The following ALPK1 variants were observed in gnomAD, a reference collection of about 807,000 sequenced individuals.
ALPK1 encodes the protein alpha kinase 1.
ALPK1 carries 110 observed loss-of-function variants against 120.6 expected under a neutral mutation model. The ratio of observed to expected loss-of-function variants is 0.91; its 90% CI spans 0.78 to 1.07. The LOEUF (loss-of-function observed/expected upper bound fraction) is 1.07, where lower values mean the gene tolerates loss of function less well. Ranked by LOEUF, ALPK1 falls within the 50% of genes least tolerant of loss-of-function variation. The probability of loss-of-function intolerance (pLI) is 0.00; values close to 1 mark genes in which losing one functional copy is unlikely to be tolerated. For synonymous variants in ALPK1, 582 were observed against 560.3 expected (o/e 1.04, Z -0.55); for missense variants, 1,498 against 1,483.9 (o/e 1.01, Z -0.16).
In ALPK1 at chr4:112,369,733, A is replaced by G. The variant is rs536481235; in HGVS notation, c.-100-7945A>G. Among the ~76,000 whole-genome samples the G allele has an allele frequency of 2.6e-5, 4 of 152,330 alleles. No homozygotes were observed. The East Asian group carries it at 7.7e-4, about 29-fold the overall frequency. ...TTTTATAATAATTATTCATGTACAT[A>G]TGAATTAAATAGGCTCTGTGGGCTT... On this transcript the variant is annotated intron_variant, in intron 2 of 15. Transcript: ENST00000650871.
At chr4:112,418,891 A>G (rs1733865433) in intron 5 of ALPK1, among the ~76,000 whole-genome samples, 1 of 152,364 alleles carries the variant, frequency 6.6e-6, no homozygotes, top group Middle Eastern at 3.4e-3. Flanking sequence ...TACTGCTTCT[A>G]TTTGATACTT....
chr4:112,327,413 C>T (rs770715799), intron 2 of ALPK1, among the ~76,000 whole-genome samples: 71 of 152,136 alleles, frequency 4.7e-4, no homozygotes, highest in Non-Finnish European at 8.7e-4. Context: ...GTAATAAAAA[C>T]ATTAGTGAAA....
At chr4:112,430,401 G>A in intron 10 of ALPK1, 47 bp from the exon 11 acceptor site, 2 of 1,479,886 alleles carry the variant, frequency 1.4e-6, no homozygotes. Context: ...TGATTCACTT[G>A]CAGTTTTCAA....
intron 2 of ALPK1, among the ~76,000 whole-genome samples, chr4:112,326,089 C>T (rs915756610): frequency 6.6e-6 from 1 of 152,208 alleles, no homozygotes; most frequent in Admixed American, 6.5e-5. Context: ...TGGAAACCAT[C>T]ATCCCTTTAT....
intron 10 of ALPK1, 51 bp from the exon 11 acceptor site, chr4:112,430,397 A>T: frequency 6.8e-7 from 1 of 1,469,990 alleles, no homozygotes; most frequent in Non-Finnish European, 9.2e-7. Context: ...GTCCTGATTC[A>T]CTTGCAGTTT....
At chr4:112,348,310 T>A (rs1396187856) in intron 2 of ALPK1, among the ~76,000 whole-genome samples, 1 of 152,268 alleles carries the variant, frequency 6.6e-6, no homozygotes, top group Admixed American at 6.5e-5. Context: ...GAAGAAGGCC[T>A]GGTTTTCTAA....
chr4:112,408,582 TC>T (rs1733305168), intron 4 of ALPK1, among the ~76,000 whole-genome samples: 1 of 152,074 alleles, frequency 6.6e-6, no homozygotes, highest in Non-Finnish European at 1.5e-5. Context: ...TAAGTGATTC[TC>T]CTGCCTCAGC....
chr4:112,324,990 A>G (rs1240183187), intron 2 of ALPK1, among the ~76,000 whole-genome samples: 5 of 150,582 alleles, frequency 3.3e-5, no homozygotes, highest in Non-Finnish European at 7.4e-5. Flanking sequence ...GGGGGGGCAA[A>G]TAGAGTGAAT....
At chr4:112,391,013 G>A (rs923422883) in intron 4 of ALPK1, among the ~76,000 whole-genome samples, 4 of 152,140 alleles carry the variant, frequency 2.6e-5, no homozygotes, top group African/African-American at 9.7e-5. Flanking sequence ...AACAACCTAA[G>A]GTATGTCATG....
Position 112,432,189 on chromosome 4 carries a change from C to T in ALPK1, c.2642C>T (p.Pro881Leu), listed in dbSNP as rs1234245243. Residue 881 changes from proline (P) to leucine (L), a missense_variant, in exon 11 of 16, where the codon CCT (proline) becomes CTT (leucine). Coordinates refer to ENST00000650871, the MANE Select transcript of ALPK1 (RefSeq NM_025144.4). ...AGACTGTGCATTCTGAGACAGCCGC[C>T]TGGTCAGAGGGCGGAGACCCCCAAT... ...SHRLCILRQPPGQRAETPNSS... is the reference protein window; with the variant it reads ...SHRLCILRQPLGQRAETPNSS... 2.5e-6 allele frequency: 4 copies of T among 1,614,232 alleles called. No individual in the cohort carries two copies. The highest frequency in any genetic ancestry group is 2.2e-5 in the South Asian group (2 of 91,080).
intron 1 of ALPK1, among the ~76,000 whole-genome samples, chr4:112,298,562 A>G (rs183522189): frequency 2.9e-4 from 44 of 152,276 alleles, no homozygotes; most frequent in African/African-American, 9.1e-4. Context: ...AATCTCTCAA[A>G]TTTCTTCCGC....
intron 4 of ALPK1, among the ~76,000 whole-genome samples, chr4:112,394,143 C>T (rs1732548887): frequency 2.0e-5 from 3 of 152,230 alleles, no homozygotes; most frequent in Admixed American, 6.5e-5. Flanking sequence ...CCACCACAGC[C>T]GGGTTTCCTA....
intron 2 of ALPK1, chr4:112,358,138 C>T: frequency 1.6e-6 from 1 of 613,076 alleles, no homozygotes; most frequent in Non-Finnish European, 3.1e-6. Flanking sequence ...GCCAGTTCCT[C>T]TCTGGGCAGG....
chr4:112,359,822 G>T, intron 2 of ALPK1: 2 of 385,320 alleles, frequency 5.2e-6, no homozygotes, highest in Non-Finnish European at 5.1e-6. Context: ...CCCAGTGGGT[G>T]CCCATGGAGG....
chr4:112,406,991 C>T (rs1733209552), intron 4 of ALPK1, among the ~76,000 whole-genome samples: 1 of 152,080 alleles, frequency 6.6e-6, no homozygotes, highest in Non-Finnish European at 1.5e-5. Context: ...CTAAAGGCTC[C>T]CATGTAACGT....
intron 2 of ALPK1, among the ~76,000 whole-genome samples, chr4:112,370,468 T>C (rs1731356257): frequency 6.6e-6 from 1 of 151,946 alleles, no homozygotes; most frequent in South Asian, 2.1e-4. Flanking sequence ...TTACCAAACA[T>C]ACTGGGGAAT....
At chr4:112,393,118 A>G (rs1003387256) in intron 4 of ALPK1, among the ~76,000 whole-genome samples, 1 of 152,228 alleles carries the variant, frequency 6.6e-6, no homozygotes, top group African/African-American at 2.4e-5. Flanking sequence ...GGAATTGCAC[A>G]CTGGGTTTTA....
At chr4:112,334,980 A>C (rs1729546789) in intron 2 of ALPK1, among the ~76,000 whole-genome samples, 2 of 152,110 alleles carry the variant, frequency 1.3e-5, no homozygotes, top group Non-Finnish European at 2.9e-5. Flanking sequence ...TTTTTTAAAC[A>C]GGGCACAGTG....
intron 2 of ALPK1, chr4:112,358,045 C>A (rs1730724895): frequency 5.0e-6 from 3 of 595,512 alleles, no homozygotes; most frequent in South Asian, 3.1e-5. Context: ...GTAGTGTGAT[C>A]ATCACGGGCC....
Sources: allele counts gnomAD v4.1 joint callset (sites outside exome capture counted in the v4.1 genomes callset), GRCh38; gene constraint gnomAD v4.1.1; transcripts MANE v1.5; gene names NCBI Gene and HGNC (gene_info 2026-07-23, HGNC 2026-07-21).